STAU2: variants seen among roughly 807,000 people sequenced by gnomAD.
STAU2 encodes double-stranded RNA-binding protein Staufen homolog 2.
Under a neutral mutation model 65.9 loss-of-function variants are expected in STAU2, and 20 were observed. The observed-to-expected ratio is 0.30, with a 90% CI of 0.21 to 0.44. The LOEUF (loss-of-function observed/expected upper bound fraction) is 0.44. STAU2 is among the 20% of genes least tolerant of loss of function. The pLI is 1.00. For missense variants in STAU2, 558 were observed against 683.9 expected (o/e 0.82, Z 2.05); for synonymous variants, 232 against 233.9 (o/e 0.99, Z 0.07).
At chr8:73,448,526 G>GT (rs1252136303) in intron 13 of STAU2, among the ~76,000 whole-genome samples, 2 of 152,078 alleles carry the variant, frequency 1.3e-5, no homozygotes, top group Non-Finnish European at 2.9e-5. Flanking sequence ...CAGGCAATCA[G>GT]CCCGCCTCGG....
chr8:73,554,852 T>C (rs1667207532), intron 12 of STAU2, among the ~76,000 whole-genome samples: 1 of 152,224 alleles, frequency 6.6e-6, no homozygotes, highest in Non-Finnish European at 1.5e-5. Flanking sequence ...TATCGCTCTA[T>C]CTTCATCTAC....
At position 73,420,424 on chromosome 8, in the gene STAU2, A is replaced by G. The variant is rs797020667; in HGVS notation, c.*948T>C. ...CATCTGCTCCACGCTGGATTCCAACATGCTGGCCCGGAGCGTGGCTGGCTG... is the reference window on the plus strand; with the variant it reads ...CATCTGCTCCACGCTGGATTCCAACGTGCTGGCCCGGAGCGTGGCTGGCTG... On this transcript the variant is annotated 3_prime_UTR_variant, in exon 15 of 15. Transcript: ENST00000524300. 2.6e-4 allele frequency: 81 copies of G among 310,120 alleles called. 2 individuals carry two copies. The highest frequency in any genetic ancestry group is 2.1e-3 in the South Asian group (73 of 35,440). The allele number at this position is 310,120 out of a possible 1,614,324, so 19.2% of individuals were successfully genotyped here. A position where few individuals can be genotyped will look rare whatever the true frequency, so the allele number is the denominator to read the frequency against.
At chr8:73,742,769 C>G (rs141510904) in intron 1 of STAU2, among the ~76,000 whole-genome samples, 243 of 151,984 alleles carry the variant, frequency 1.6e-3, no homozygotes, top group Non-Finnish European at 3.1e-3. Flanking sequence ...AATGGCCCAA[C>G]CTGTAACTGC....
At chr8:73,562,582 G>C (rs975675714) in intron 12 of STAU2, among the ~76,000 whole-genome samples, 4 of 152,172 alleles carry the variant, frequency 2.6e-5, no homozygotes, top group Non-Finnish European at 5.9e-5. Flanking sequence ...AATTTTGTTT[G>C]TGGGAAGAAA....
intron 1 of STAU2, among the ~76,000 whole-genome samples, chr8:73,743,177 C>T (rs895368118): frequency 2.0e-5 from 3 of 151,506 alleles, no homozygotes; most frequent in Non-Finnish European, 2.9e-5. Flanking sequence ...AGAAGTCTTA[C>T]GCCACAAACT....
intron 5 of STAU2, 140 bp from the exon 6 acceptor site, chr8:73,673,382 G>T: frequency 1.1e-6 from 1 of 902,556 alleles, no homozygotes; most frequent in Non-Finnish European, 1.5e-6. Flanking sequence ...CTAAGGAACT[G>T]CGAAAACAAA....
intron 4 of STAU2, among the ~76,000 whole-genome samples, chr8:73,706,444 G>T (rs1820509592): frequency 6.6e-6 from 1 of 151,874 alleles, no homozygotes; most frequent in African/African-American, 2.4e-5. Flanking sequence ...TTGAAACTAG[G>T]TTTAAATTTT....
intron 6 of STAU2, among the ~76,000 whole-genome samples, chr8:73,666,735 C>T (rs1817269706): frequency 6.6e-6 from 1 of 152,062 alleles, no homozygotes; most frequent in African/African-American, 2.4e-5. Context: ...TGAGTGTTAA[C>T]AAATAAACAA....
intron 1 of STAU2, among the ~76,000 whole-genome samples, chr8:73,746,542 A>AC (rs1807299681): frequency 1.1e-5 from 1 of 89,664 alleles, no homozygotes; most frequent in Middle Eastern, 5.2e-3. Flanking sequence ...CCACACACGC[A>AC]CCCCCCACCC....
chr8:73,716,075 C>G (rs1821227939), intron 3 of STAU2, among the ~76,000 whole-genome samples: 1 of 149,820 alleles, frequency 6.7e-6, no homozygotes, highest in Admixed American at 6.7e-5. Context: ...CCACCATGCC[C>G]AGCTAATTTT....
intron 6 of STAU2, among the ~76,000 whole-genome samples, chr8:73,633,393 AG>A (rs1814245941): frequency 6.6e-6 from 1 of 152,206 alleles, no homozygotes; most frequent in South Asian, 2.1e-4. Flanking sequence ...AATGATTGCA[AG>A]GGAGAGACAG....
chr8:73,726,140 A>C (rs1036389422), intron 3 of STAU2, among the ~76,000 whole-genome samples: 1 of 152,072 alleles, frequency 6.6e-6, no homozygotes, highest in Non-Finnish European at 1.5e-5. Context: ...AGCAACCTGG[A>C]TGGAACTGGA....
At chr8:73,502,497 C>T (rs1012199809) in intron 13 of STAU2, among the ~76,000 whole-genome samples, 1 of 152,136 alleles carries the variant, frequency 6.6e-6, no homozygotes, top group South Asian at 2.1e-4. Flanking sequence ...AACCCTATAC[C>T]TCAACCAAAA....
chr8:73,602,733 A>C (rs1811723499), intron 10 of STAU2, among the ~76,000 whole-genome samples: 1 of 151,794 alleles, frequency 6.6e-6, no homozygotes, highest in Non-Finnish European at 1.5e-5. Flanking sequence ...CCCACCAAAA[A>C]AAAAAAAAAA....
At chr8:73,611,999 T>G (rs890544924) in intron 9 of STAU2, among the ~76,000 whole-genome samples, 1 of 152,182 alleles carries the variant, frequency 6.6e-6, no homozygotes, top group African/African-American at 2.4e-5. Context: ...GCCTGGTTTA[T>G]TATTCTTAAT....
intron 12 of STAU2, among the ~76,000 whole-genome samples, chr8:73,565,268 G>A (rs1418715872): frequency 6.6e-6 from 1 of 151,694 alleles, no homozygotes; most frequent in Non-Finnish European, 1.5e-5. Flanking sequence ...CACAAGATTT[G>A]CCTGTTTGAA....
intron 5 of STAU2, among the ~76,000 whole-genome samples, chr8:73,678,517 T>G (rs1472329893): frequency 6.6e-6 from 1 of 152,230 alleles, no homozygotes; most frequent in Admixed American, 6.5e-5. Flanking sequence ...CTTCAGTCCA[T>G]GTTTATCATT....
intron 13 of STAU2, among the ~76,000 whole-genome samples, chr8:73,456,607 C>A (rs1015894628): frequency 6.6e-6 from 1 of 152,010 alleles, no homozygotes. Context: ...GAGGCAGGAA[C>A]GAGCATGGGG....
At chr8:73,669,240 G>A (rs990503372) in intron 6 of STAU2, 26 of 571,958 alleles carry the variant, frequency 4.5e-5, no homozygotes, top group South Asian at 7.5e-5. Context: ...AGTACTTTCC[G>A]ATATTCTTTT....
Sources: gnomAD v4.1 joint callset for allele counts (sites outside exome capture counted in the v4.1 genomes callset) on GRCh38, gnomAD v4.1.1 for gene constraint, MANE v1.5 for transcripts, NCBI Gene and HGNC (gene_info 2026-07-23, HGNC 2026-07-21) for gene names.